Variants in EIF4B observed in about 807,000 individuals in gnomAD.
The protein encoded by EIF4B is eukaryotic translation initiation factor 4B.
Under a neutral mutation model 79.3 loss-of-function variants are expected in EIF4B, and 8 were observed. That is an observed-to-expected ratio of 0.10 (90% CI 0.06 to 0.18). The LOEUF (loss-of-function observed/expected upper bound fraction) is 0.18. Among genes scored for constraint, EIF4B ranks in the 10% least tolerant of loss-of-function variants. The probability of loss-of-function intolerance (pLI) is 1.00; values close to 1 mark genes in which losing one functional copy is unlikely to be tolerated. For synonymous variants in EIF4B, 238 were observed against 274.7 expected (o/e 0.87, Z 1.32); for missense variants, 515 against 792.4 (o/e 0.65, Z 4.20).
At chr12:53,020,140 C>A (rs1424588128) in intron 4 of EIF4B, 114 bp downstream of exon 4, 1 of 775,646 alleles carries the variant, frequency 1.3e-6, no homozygotes, top group Non-Finnish European at 2.0e-6. Context: ...CCCATATCTA[C>A]AAATAAAGGC....
intron 8 of EIF4B, 96 bp downstream of exon 8, chr12:53,028,284 T>C (rs1382425545): frequency 6.9e-7 from 1 of 1,453,338 alleles, no homozygotes; most frequent in Non-Finnish European, 9.1e-7. Context: ...TGGGCACAAA[T>C]ATAATTTGCA....
chr12:53,009,885 A>G (rs1461089070), intron 1 of EIF4B, among the ~76,000 whole-genome samples: 2 of 152,244 alleles, frequency 1.3e-5, no homozygotes, highest in Non-Finnish European at 2.9e-5. Context: ...GGTATATTTC[A>G]TCTCAAAACA....
At position 53,028,163 on chromosome 12, in the gene EIF4B, G is replaced by T. The variant is rs769661468; in HGVS notation, c.954G>T (p.Arg318=). The T allele has an allele frequency of 6.2e-7, 1 of 1,609,820 alleles. No individual in the cohort carries two copies. The highest frequency in any genetic ancestry group is 8.5e-7 in the Non-Finnish European group (1 of 1,178,578). Residue 318 remains arginine (R), a synonymous_variant, in exon 8 of 15, where the codon CGG becomes CGT. Transcript: ENST00000262056. ...GGAGCTCCAGAGATGATTACTCTCG[G>T]GATGATTATAGGCGTGATGATAGAG... ...RSWSSRDDYS[R]DDYRRDDRGP...
chr12:53,006,692 T>TC (rs1258511762), intron 1 of EIF4B, among the ~76,000 whole-genome samples, 196 bp downstream of exon 1: 1 of 151,012 alleles, frequency 6.6e-6, no homozygotes, highest in Non-Finnish European at 1.5e-5. Flanking sequence ...CACCTTCCCC[T>TC]CCCCCTCACA....
intron 2 of EIF4B, 151 bp downstream of exon 2, chr12:53,016,761 ATCTGAGGT>A: frequency 8.2e-7 from 1 of 1,220,346 alleles, no homozygotes; most frequent in South Asian, 1.8e-5. Flanking sequence ...CTAAGGTTTA[ATCTGAGGT>A]TTGGGCTGTC....
intron 2 of EIF4B, among the ~76,000 whole-genome samples, chr12:53,018,272 G>A (rs2120910971): frequency 6.6e-6 from 1 of 152,294 alleles, no homozygotes; most frequent in Non-Finnish European, 1.5e-5. Flanking sequence ...ATAGGTGTGA[G>A]CCACCGAGCC....
In EIF4B at chr12:53,033,887, C is replaced by G. The variant is rs1438993690; in HGVS notation, c.1061C>G (p.Ser354Cys). Reference protein sequence around the residue: ...EDDSSASTSQSTRAASIFGGA... With the variant: ...EDDSSASTSQCTRAASIFGGA... The stretch of plus-strand genomic sequence containing the variant: ...GATTCCTCTGCTAGTACCTCCCAGT[C>G]CACTCGAGCTGCTTCTATCTTTGGA... The change falls in exon 9 of 15, where the codon TCC (serine) becomes TGC (cysteine). Residue 354 changes from serine to cysteine, a missense_variant. Transcript: ENST00000262056. 3 of 1,613,968 alleles carry G rather than the reference C, an allele frequency of 1.9e-6. No homozygotes were observed. In the African/African-American group the frequency reaches 4.0e-5, roughly 22 times the overall value.
At chr12:53,022,217 T>C (rs2120926854) in intron 5 of EIF4B, 1 of 677,708 alleles carries the variant, frequency 1.5e-6, no homozygotes, top group Non-Finnish European at 2.7e-6. Context: ...TAACAGCACG[T>C]TGGTCACAAA....
intron 1 of EIF4B, among the ~76,000 whole-genome samples, chr12:53,012,819 G>C (rs1444822310): frequency 1.3e-5 from 2 of 151,774 alleles, no homozygotes; most frequent in Non-Finnish European, 2.9e-5. Flanking sequence ...TGTTAGCCAG[G>C]ATGGTCTCGA....
chr12:53,018,881 G>T lies in EIF4B; in HGVS notation c.235G>T (p.Ala79Ser). Reference protein sequence around the residue: ...DRSILPTAPRAAREPNIDRSR... With the variant: ...DRSILPTAPRSAREPNIDRSR... ...TTCCATCCTTCCCACTGCTCCACGGGCTGCTCGGGAACCCAATATCGACCG... is the reference window on the plus strand; with the variant it reads ...TTCCATCCTTCCCACTGCTCCACGGTCTGCTCGGGAACCCAATATCGACCG... The change falls in exon 3 of 15, where the codon GCT becomes TCT. Residue 79 changes from alanine (A) to serine (S), a missense_variant. By Grantham distance (99) the Ala-to-Ser change is moderately conservative. Transcript: ENST00000262056. 6.2e-7 allele frequency: 1 copy of T among 1,613,826 alleles called. No homozygotes were observed.
intron 8 of EIF4B, 108 bp from the exon 9 acceptor site, chr12:53,033,698 C>T (rs768942918): frequency 2.4e-6 from 3 of 1,257,332 alleles, no homozygotes; most frequent in East Asian, 2.4e-5. Flanking sequence ...AGGCCACTAA[C>T]TTGAATCTCA....
intron 8 of EIF4B, among the ~76,000 whole-genome samples, chr12:53,029,914 T>A (rs1943405215): frequency 1.2e-5 from 1 of 83,228 alleles, no homozygotes; most frequent in Admixed American, 1.8e-4. Context: ...AATAATTCAA[T>A]GTTTGTTTTT....
chr12:53,018,237 C>G (rs1480481746), intron 2 of EIF4B, among the ~76,000 whole-genome samples: 1 of 152,222 alleles, frequency 6.6e-6, no homozygotes, highest in South Asian at 2.1e-4. Flanking sequence ...GATCACCCAC[C>G]TTGGCCTCCC....
At chr12:53,038,324 C>G in intron 11 of EIF4B, 32 bp from the exon 12 acceptor site, 2 of 1,550,918 alleles carry the variant, frequency 1.3e-6, no homozygotes, top group Non-Finnish European at 1.7e-6. Context: ...CCTGAAACAA[C>G]TGATGAATGT....
chr12:53,011,018 CTTTGGGATGCCAAGGCAA>C, intron 1 of EIF4B, among the ~76,000 whole-genome samples: 1 of 152,154 alleles, frequency 6.6e-6, no homozygotes, highest in East Asian at 1.9e-4. Context: ...AATCCCAGCA[CTTTGGGATGCCAAGGCAA>C]GAGGATCACT....
At chr12:53,009,306 C>T (rs1688430016) in intron 1 of EIF4B, among the ~76,000 whole-genome samples, 1 of 152,066 alleles carries the variant, frequency 6.6e-6, no homozygotes, top group African/African-American at 2.4e-5. Context: ...GGTGAAACAC[C>T]TGAGAACAGG....
intron 8 of EIF4B, among the ~76,000 whole-genome samples, chr12:53,029,741 A>G (rs1943402653): frequency 6.6e-6 from 1 of 152,114 alleles, no homozygotes; most frequent in African/African-American, 2.4e-5. Flanking sequence ...TATATCCATC[A>G]TCTCCTGTGA....
In EIF4B at chr12:53,022,547, A is replaced by G; in HGVS notation, c.587A>G (p.Asp196Gly). The change falls in exon 6 of 15, where the codon GAT becomes GGT. Residue 196 changes from aspartate to glycine, a missense_variant. Around this residue, in one of 6 missense-constraint regions of EIF4B, gnomAD observed 187 missense variants for 256.5 expected, o/e 0.73. Coordinates refer to ENST00000262056, the MANE Select transcript of EIF4B (RefSeq NM_001417.7). ...AGAAATCGGGATTCTGACAAAACAGATACAGACTGGAGGGCTCGTCCTGCT... is the reference window on the plus strand; with the variant it reads ...AGAAATCGGGATTCTGACAAAACAGGTACAGACTGGAGGGCTCGTCCTGCT... ...RDRNRDSDKT[D>G]TDWRARPATD... 6.2e-7 allele frequency: 1 copy of G among 1,613,592 alleles called. No individual in the cohort carries two copies. Among genetic ancestry groups the G allele is most frequent in the Non-Finnish European group, 8.5e-7 (1 of 1,179,880 alleles).
chr12:53,011,289 C>T lies in EIF4B; in HGVS notation c.13+4793C>T, dbSNP rs554582160. Among the ~76,000 whole-genome samples the T allele has an allele frequency of 2.0e-5, 3 of 152,234 alleles. No individual in the cohort carries two copies. In the East Asian group the frequency reaches 5.8e-4, roughly 29 times the overall value. ...ATGATTTGGTGGGGTTTAGTATATT[C>T]AGAGATGTTCAACCATCATTATTAT... On this transcript the variant is annotated intron_variant, in intron 1 of 14. Coordinates refer to ENST00000262056, the MANE Select transcript of EIF4B (RefSeq NM_001417.7).
Sources: gnomAD v4.1 joint callset for allele counts (sites outside exome capture counted in the v4.1 genomes callset) on GRCh38, gnomAD v4.1.1 for gene constraint, gnomAD v4.1.1 regional missense constraint, MANE v1.5 for transcripts, NCBI Gene and HGNC (gene_info 2026-07-23, HGNC 2026-07-21) for gene names.